Variants in FGF14 observed in about 807,000 individuals in gnomAD.
FGF14 encodes fibroblast growth factor 14, also known as fibroblast growth factor homologous factor 4.
In FGF14, 5 loss-of-function variants were observed where a neutral mutation model predicts 25.5. That is an observed-to-expected ratio of 0.20 (90% CI 0.10 to 0.41). FGF14 has a LOEUF of 0.41. Ranked by LOEUF, FGF14 falls within the 10% of genes least tolerant of loss-of-function variation. The pLI, the probability that FGF14 is intolerant of heterozygous loss-of-function variation, is 1.00. For synonymous variants in FGF14, 138 were observed against 118.3 expected, an observed-to-expected ratio of 1.17 and a Z score of -1.08; for missense variants, 222 against 320.1, an observed-to-expected ratio of 0.69 and a Z score of 2.34.
chr13:101,773,889 G>T (rs1318524385), intron 3 of FGF14, among the ~76,000 whole-genome samples: 1 of 147,968 alleles, frequency 6.8e-6, no homozygotes, highest in Non-Finnish European at 1.5e-5. Flanking sequence ...CTAGAAGGGG[G>T]GCACCATTCT....
intron 1 of FGF14, among the ~76,000 whole-genome samples, chr13:102,170,735 C>A (rs1029099759): frequency 1.3e-5 from 2 of 152,196 alleles, no homozygotes; most frequent in Admixed American, 1.3e-4. Context: ...GCACTATATT[C>A]TTCCAAACCA....
intron 1 of FGF14, among the ~76,000 whole-genome samples, chr13:102,155,443 A>G (rs2047286123): frequency 6.6e-6 from 1 of 152,228 alleles, no homozygotes; most frequent in Non-Finnish European, 1.5e-5. Context: ...AGGCAGAAAT[A>G]AAGATGTTCT....
chr13:102,346,268 A>G (rs1243493050), intron 1 of FGF14, among the ~76,000 whole-genome samples: 1 of 152,232 alleles, frequency 6.6e-6, no homozygotes, highest in African/African-American at 2.4e-5. Flanking sequence ...ATGAAATACT[A>G]TATAGCTAAA....
At chr13:101,987,602 T>G (rs897075797) in intron 1 of FGF14, among the ~76,000 whole-genome samples, 1 of 152,178 alleles carries the variant, frequency 6.6e-6, no homozygotes, top group Admixed American at 6.6e-5. Flanking sequence ...ACTAGTTTAT[T>G]TTTATGTCAC....
At position 101,712,508 on chromosome 13, in the gene FGF14, T is replaced by G. The variant is rs940552132; in HGVS notation, c.*10323A>C. 1 of 152,186 alleles carries G rather than the reference T, an allele frequency of 6.6e-6. No individual in the cohort carries two copies. The highest frequency in any genetic ancestry group is 2.4e-5 in the African/African-American group (1 of 41,450). The allele number at this position is 152,186 out of a possible 1,614,324, so 9.4% of individuals were successfully genotyped here. A position where few individuals can be genotyped will look rare whatever the true frequency, so the allele number is the denominator to read the frequency against. On this transcript the variant is annotated 3_prime_UTR_variant, in exon 5 of 5. Coordinates refer to ENST00000376143, the MANE Select transcript of FGF14 (RefSeq NM_004115.4). The stretch of plus-strand genomic sequence containing the variant: ...AAGTTTGAAGATGAAATATAAGATA[T>G]TTCATGAATTGTGACATATATAAAA...
chr13:102,257,141 A>G (rs1230048059), intron 1 of FGF14, among the ~76,000 whole-genome samples: 3 of 152,078 alleles, frequency 2.0e-5, no homozygotes, highest in Non-Finnish European at 1.5e-5. Context: ...CTCTCACAAC[A>G]ATAGTATCAG....
chr13:101,925,526 C>T (rs530976482), intron 1 of FGF14, among the ~76,000 whole-genome samples: 4 of 152,312 alleles, frequency 2.6e-5, no homozygotes, highest in African/African-American at 7.2e-5. Context: ...GGCAAAGTTG[C>T]TATTAATCTG....
chr13:102,235,572 T>C (rs1404076184), intron 1 of FGF14, among the ~76,000 whole-genome samples: 4 of 152,334 alleles, frequency 2.6e-5, no homozygotes, highest in Middle Eastern at 3.4e-3. Flanking sequence ...AGATATACCA[T>C]ACAAATGTTG....
chr13:102,158,363 C>G (rs1196133073), intron 1 of FGF14, among the ~76,000 whole-genome samples: 1 of 152,166 alleles, frequency 6.6e-6, no homozygotes, highest in Non-Finnish European at 1.5e-5. Context: ...AGTTCACGTC[C>G]TTTGCAGGGA....
intron 1 of FGF14, among the ~76,000 whole-genome samples, chr13:101,905,131 G>T (rs564785466): frequency 6.6e-6 from 1 of 152,164 alleles, no homozygotes; most frequent in Non-Finnish European, 1.5e-5. Context: ...AGTGGAGGCA[G>T]ATCTGGAGAA....
intron 1 of FGF14, among the ~76,000 whole-genome samples, chr13:102,282,472 C>A (rs1192067915): frequency 1.3e-5 from 2 of 152,150 alleles, no homozygotes; most frequent in East Asian, 3.9e-4. Context: ...ATTTCATTTT[C>A]TTTCCAATGA....
chr13:102,389,787 C>T (rs1469877851), intron 1 of FGF14, among the ~76,000 whole-genome samples: 1 of 147,586 alleles, frequency 6.8e-6, no homozygotes, highest in East Asian at 2.0e-4. Context: ...AGCATTGCCC[C>T]TGAAAGGATT....
intron 1 of FGF14, among the ~76,000 whole-genome samples, chr13:102,056,681 G>T (rs574580355): frequency 4.8e-4 from 72 of 151,524 alleles, no homozygotes; most frequent in African/African-American, 1.6e-3. Context: ...ATTTAAATAT[G>T]AATAGGTCTA....
chr13:102,312,030 T>C (rs1162912236), intron 1 of FGF14, among the ~76,000 whole-genome samples: 1 of 152,176 alleles, frequency 6.6e-6, no homozygotes, highest in Non-Finnish European at 1.5e-5. Flanking sequence ...TGACCTGAGT[T>C]TTAGTTTAGC....
intron 1 of FGF14, among the ~76,000 whole-genome samples, chr13:101,989,418 G>C (rs989788468): frequency 6.6e-6 from 1 of 152,104 alleles, no homozygotes; most frequent in Admixed American, 6.5e-5. Flanking sequence ...TTATAAAGAA[G>C]AATAATGTAC....
intron 1 of FGF14, among the ~76,000 whole-genome samples, chr13:101,981,229 G>A (rs150477719): frequency 2.7e-3 from 414 of 151,928 alleles, no homozygotes; most frequent in Non-Finnish European, 4.0e-3. Flanking sequence ...CCATTGAGCC[G>A]AGATTGCGTC....
chr13:101,761,397 A>T (rs1327806439), intron 3 of FGF14, among the ~76,000 whole-genome samples: 4 of 152,166 alleles, frequency 2.6e-5, no homozygotes, highest in Non-Finnish European at 5.9e-5. Flanking sequence ...ATTTTGGGGT[A>T]TTTTAAAGAC....
chr13:102,389,789 G>GA (rs138520220), intron 1 of FGF14, among the ~76,000 whole-genome samples: 22,265 of 152,126 alleles, frequency 0.15, 1,761 homozygotes, highest in Non-Finnish European at 0.19. Flanking sequence ...CATTGCCCCT[G>GA]AAAGGATTTT....
At chr13:102,040,288 A>C (rs974718317) in intron 1 of FGF14, among the ~76,000 whole-genome samples, 1 of 152,090 alleles carries the variant, frequency 6.6e-6, no homozygotes, top group African/African-American at 2.4e-5. Flanking sequence ...ATTAGCTCAC[A>C]TTTTACTAGT....
Sources: allele counts gnomAD v4.1 joint callset (sites outside exome capture counted in the v4.1 genomes callset), GRCh38; gene constraint gnomAD v4.1.1; transcripts MANE v1.5; gene names NCBI Gene and HGNC (gene_info 2026-07-23, HGNC 2026-07-21).